Variants in ZNF221 observed in about 807,000 individuals in gnomAD.
ZNF221 encodes zinc finger protein 221.
In ZNF221, 10 loss-of-function variants were observed where a neutral mutation model predicts 12.6. That is an observed-to-expected ratio of 0.79 (90% CI 0.49 to 1.34). ZNF221 has a LOEUF of 1.34. Ranked by LOEUF, ZNF221 falls within the 40% of genes most tolerant of loss-of-function variation. The probability of loss-of-function intolerance (pLI) is 0.00; values close to 1 mark genes in which losing one functional copy is unlikely to be tolerated. For missense variants in ZNF221, 661 were observed against 721.4 expected (o/e 0.92, Z 0.96); for synonymous variants, 232 against 244.0 (o/e 0.95, Z 0.46).
chr19:43,981,450 T>C, the ZNF221 span, among the ~76,000 whole-genome samples: 1 of 152,214 alleles, frequency 6.6e-6, no homozygotes, highest in Non-Finnish European at 1.5e-5. Flanking sequence ...TGATGTATCT[T>C]CAACAGGGAT....
At chr19:43,980,191 C>G in the ZNF221 span, among the ~76,000 whole-genome samples, 62 of 152,312 alleles carry the variant, frequency 4.1e-4, 1 homozygote, top group Non-Finnish European at 4.9e-4. Context: ...TGTTGTTGAT[C>G]TTGGCATTCA....
chr19:43,975,306 T>C, the ZNF221 span, among the ~76,000 whole-genome samples: 2 of 152,138 alleles, frequency 1.3e-5, no homozygotes, highest in African/African-American at 2.4e-5. Context: ...CAAATGCCCA[T>C]CAATGATAGA....
Position 43,964,865 on chromosome 19 carries a change from C to T in ZNF221, c.82-85C>T. 3.2e-6 allele frequency: 5 copies of T among 1,562,656 alleles called. No individual in the cohort carries two copies. The South Asian group carries it at 5.7e-5, about 18-fold the overall frequency. On this transcript the variant is annotated intron_variant, in intron 2 of 4. Coordinates refer to ENST00000587682, the MANE Select transcript of ZNF221 (RefSeq NM_001297588.2). ...TCAAGATCTAGGACAACTTACCACA[C>T]CTGTCCCCTTTGCCTACTTAGTGCC...
Position 43,967,266 on chromosome 19 carries a change from G to T in ZNF221, c.1764G>T (p.Lys588Asn), listed in dbSNP as rs918517379. Residue 588 changes from lysine to asparagine, a missense_variant, in exon 5 of 5, where the codon AAG (lysine) becomes AAT (asparagine). Transcript: ENST00000587682. ...LKHQRLHSGE[K>N]PLKSGVWEEI... ...ATCAGAGACTCCACAGTGGAGAAAA[G>T]CCATTGAAATCTGGAGTGTGGGAAG... The T allele has an allele frequency of 6.2e-7, 1 of 1,613,750 alleles. No homozygotes were observed. The highest frequency in any genetic ancestry group is 1.6e-4 in the Middle Eastern group (1 of 6,062).
At chr19:43,974,326 T>C in the ZNF221 span, among the ~76,000 whole-genome samples, 1 of 152,134 alleles carries the variant, frequency 6.6e-6, no homozygotes, top group Non-Finnish European at 1.5e-5. Flanking sequence ...ATCCAGGACA[T>C]AGGGACAGGC....
the ZNF221 span, among the ~76,000 whole-genome samples, chr19:43,981,512 A>G: frequency 6.6e-6 from 1 of 152,230 alleles, no homozygotes; most frequent in Non-Finnish European, 1.5e-5. Context: ...TAATAATAAA[A>G]TATTGGAAGT....
At chr19:43,958,465 A>G (rs1974793422) in intron 1 of ZNF221, among the ~76,000 whole-genome samples, 1 of 152,180 alleles carries the variant, frequency 6.6e-6, no homozygotes, top group African/African-American at 2.4e-5. Flanking sequence ...CCGCTTTTTC[A>G]GGGCAAGCAG....
chr19:43,965,356 C>T (rs1974923469), intron 4 of ZNF221, 31 bp downstream of exon 4: 1 of 1,560,882 alleles, frequency 6.4e-7, no homozygotes, highest in African/African-American at 1.4e-5. Flanking sequence ...CATCCTTGTA[C>T]ATGACTCTTC....
At chr19:43,974,387 T>C in the ZNF221 span, among the ~76,000 whole-genome samples, 4 of 152,054 alleles carry the variant, frequency 2.6e-5, no homozygotes, top group African/African-American at 9.7e-5. Context: ...AAGCAAAATT[T>C]GACAAATGGG....
At position 43,967,309 on chromosome 19, in the gene ZNF221, A is replaced by G. The variant is rs1974993598; in HGVS notation, c.1807A>G (p.Thr603Ala). The change falls in exon 5 of 5, where the codon ACA becomes GCA. Residue 603 changes from threonine (T) to alanine (A), a missense_variant. Physicochemically the swap from Thr to Ala is moderately conservative, Grantham distance 58. Transcript: ENST00000587682. ...GVWEEIYSEF[T>A]ASFTSVSLCG... ...GTGGGAAGAGATCTACTCAGAATTC[A>G]CAGCTTCATTTACATCAGTAAGTCT... The G allele has an allele frequency of 6.2e-7, 1 of 1,613,622 alleles. No individual in the cohort carries two copies. The highest frequency in any genetic ancestry group is 1.3e-5 in the African/African-American group (1 of 74,904).
At chr19:43,980,037 C>T in the ZNF221 span, among the ~76,000 whole-genome samples, 1 of 152,068 alleles carries the variant, frequency 6.6e-6, no homozygotes, top group Admixed American at 6.5e-5. Context: ...AATAGTCAAA[C>T]GAAGGACTAT....
intron 1 of ZNF221, among the ~76,000 whole-genome samples, chr19:43,957,582 A>ACT (rs1034138994): frequency 6.6e-6 from 1 of 151,682 alleles, no homozygotes; most frequent in Non-Finnish European, 1.5e-5. Context: ...GAGTCCCATG[A>ACT]CTCTCTCTCT....
chr19:43,969,713 G>T (rs1461847182), downstream of ZNF221, among the ~76,000 whole-genome samples: 2 of 152,200 alleles, frequency 1.3e-5, no homozygotes, highest in East Asian at 3.9e-4. Context: ...TCCCTGTGGG[G>T]GGTCTTCAGT....
intron 1 of ZNF221, among the ~76,000 whole-genome samples, chr19:43,954,476 A>T (rs1222930601): frequency 6.6e-6 from 1 of 152,150 alleles, no homozygotes; most frequent in Non-Finnish European, 1.5e-5. Flanking sequence ...CAGCAATACT[A>T]GTCTAGCAAA....
downstream of ZNF221, among the ~76,000 whole-genome samples, chr19:43,969,331 CTGCTTTTTTTTT>C (rs1975046348): frequency 7.3e-6 from 1 of 137,032 alleles, no homozygotes; most frequent in Non-Finnish European, 1.5e-5. Context: ...GCCCAGACTG[CTGCTTTTTTTTT>C]TTTTTTTTTT....
chr19:43,981,094 C>T, the ZNF221 span, among the ~76,000 whole-genome samples: 3 of 151,092 alleles, frequency 2.0e-5, no homozygotes, highest in African/African-American at 7.3e-5. Context: ...AAAATTGAGG[C>T]GAACAGACCA....
At chr19:43,969,405 G>A (rs1434470939), downstream of ZNF221, among the ~76,000 whole-genome samples, 1 of 133,988 alleles carries the variant, frequency 7.5e-6, no homozygotes, top group Non-Finnish European at 1.5e-5. Flanking sequence ...CTGGAGTGCA[G>A]TGGCATGCTC....
At chr19:43,974,547 G>A in the ZNF221 span, among the ~76,000 whole-genome samples, 3 of 151,620 alleles carry the variant, frequency 2.0e-5, no homozygotes, top group East Asian at 1.9e-4. Flanking sequence ...ACAAATTTAC[G>A]AGAAAAAAAA....
At chr19:43,963,004 T>C (rs1974872827) in intron 2 of ZNF221, among the ~76,000 whole-genome samples, 197 bp downstream of exon 2, 1 of 152,248 alleles carries the variant, frequency 6.6e-6, no homozygotes, top group Non-Finnish European at 1.5e-5. Flanking sequence ...ATTTCTTTTC[T>C]GTAGTAGATA....
Sources: allele counts gnomAD v4.1 joint callset (sites outside exome capture counted in the v4.1 genomes callset), GRCh38; gene constraint gnomAD v4.1.1; transcripts MANE v1.5; gene names NCBI Gene and HGNC (gene_info 2026-07-23, HGNC 2026-07-21).